The following RBMS3 variants were observed in gnomAD, a reference collection of about 807,000 sequenced individuals.
RBMS3 encodes the protein RNA binding motif single stranded interacting protein 3, also known as RNA-binding motif, single-stranded-interacting protein 3.
RBMS3 carries 27 observed loss-of-function variants against 66.8 expected under a neutral mutation model. The observed-to-expected ratio is 0.40, with a 90% CI of 0.30 to 0.56. The LOEUF is 0.56. RBMS3 is among the 20% of genes least tolerant of loss of function. The pLI is 0.40. For synonymous variants in RBMS3, 188 were observed against 183.0 expected (o/e 1.03, Z -0.22); for missense variants, 513 against 549.5 (o/e 0.93, Z 0.66).
At chr3:29,523,690 T>G (rs2044959154) in intron 3 of RBMS3, among the ~76,000 whole-genome samples, 2 of 152,170 alleles carry the variant, frequency 1.3e-5, no homozygotes, top group Middle Eastern at 3.2e-3. Flanking sequence ...TATTGATGGC[T>G]TACTAGACTT....
chr3:29,507,827 AG>A (rs898208069), intron 3 of RBMS3, among the ~76,000 whole-genome samples: 5 of 152,146 alleles, frequency 3.3e-5, no homozygotes, highest in Admixed American at 6.6e-5. Context: ...ATTGTATAGA[AG>A]TGATTACAAG....
At chr3:29,441,644 T>C (rs2041623886) in intron 2 of RBMS3, among the ~76,000 whole-genome samples, 1 of 152,180 alleles carries the variant, frequency 6.6e-6, no homozygotes, top group Non-Finnish European at 1.5e-5. Flanking sequence ...AGGTTCTCAG[T>C]TCCATGACTA....
chr3:29,426,003 C>T (rs151020200), intron 1 of RBMS3, among the ~76,000 whole-genome samples: 202 of 152,278 alleles, frequency 1.3e-3, no homozygotes, highest in African/African-American at 4.7e-3. Context: ...AATTATTGTT[C>T]ATATTGTAGC....
intron 2 of RBMS3, among the ~76,000 whole-genome samples, chr3:29,456,865 T>TA (rs1200772417): frequency 1.3e-5 from 2 of 152,220 alleles, no homozygotes; most frequent in Non-Finnish European, 2.9e-5. Context: ...ATAGGAATTT[T>TA]AAAAGTATAT....
chr3:29,435,237 C>T (rs2125725911), intron 2 of RBMS3, among the ~76,000 whole-genome samples: 1 of 152,268 alleles, frequency 6.6e-6, no homozygotes, highest in African/African-American at 2.4e-5. Context: ...ATTGATGAGT[C>T]TCATGAAATA....
intron 6 of RBMS3, among the ~76,000 whole-genome samples, chr3:29,866,538 A>C (rs2059367606): frequency 6.6e-6 from 1 of 152,208 alleles, no homozygotes; most frequent in African/African-American, 2.4e-5. Context: ...TCCCATTTTA[A>C]TACCTGTATG....
intron 1 of RBMS3, among the ~76,000 whole-genome samples, chr3:29,314,470 G>A (rs1294978493): frequency 6.6e-6 from 1 of 151,684 alleles, no homozygotes; most frequent in East Asian, 2.0e-4. Context: ...AGTCAGTGTG[G>A]CTCCAGAATT....
intron 6 of RBMS3, among the ~76,000 whole-genome samples, chr3:29,765,344 A>C (rs1268228306): frequency 9.2e-5 from 14 of 151,950 alleles, no homozygotes; most frequent in Non-Finnish European, 1.9e-4. Flanking sequence ...TTCCATATTT[A>C]AGACAGGGAG....
At chr3:29,964,537 C>A (rs1003768567) in intron 12 of RBMS3, among the ~76,000 whole-genome samples, 1 of 152,104 alleles carries the variant, frequency 6.6e-6, no homozygotes, top group Non-Finnish European at 1.5e-5. Context: ...TAAAAACTTT[C>A]TTTTTCTGAA....
At chr3:29,958,799 G>A (rs1577249416) in intron 12 of RBMS3, among the ~76,000 whole-genome samples, 1 of 152,060 alleles carries the variant, frequency 6.6e-6, no homozygotes, top group East Asian at 1.9e-4. Flanking sequence ...GCTGTTAGTG[G>A]GCTAAAGGAA....
At chr3:29,896,371 A>C (rs2060123559) in intron 8 of RBMS3, among the ~76,000 whole-genome samples, 1 of 151,448 alleles carries the variant, frequency 6.6e-6, no homozygotes, top group Non-Finnish European at 1.5e-5. Flanking sequence ...ACTATTAAAA[A>C]AAAAACAAAA....
chr3:29,305,710 A>C (rs1004622120), intron 1 of RBMS3, among the ~76,000 whole-genome samples: 1 of 152,016 alleles, frequency 6.6e-6, no homozygotes, highest in African/African-American at 2.4e-5. Flanking sequence ...TTACCTGAGC[A>C]TGAAATCAAA....
chr3:29,503,821 A>G (rs1386143875), intron 3 of RBMS3, among the ~76,000 whole-genome samples: 1 of 152,164 alleles, frequency 6.6e-6, no homozygotes, highest in Non-Finnish European at 1.5e-5. Context: ...TGGAAAAAAT[A>G]ACATCCTATG....
rs76684152 is a variant in RBMS3, at chr3:29,876,372, C to T, written c.744+7408C>T. ...GCTTTTCCAAAGTAAATTTTACTAACAAAATAGGAAAAAAAAAGCTTCAAA... is the reference window on the plus strand; with the variant it reads ...GCTTTTCCAAAGTAAATTTTACTAATAAAATAGGAAAAAAAAAGCTTCAAA... On this transcript the variant is annotated intron_variant, in intron 7 of 14. Transcript: ENST00000383767. Among the ~76,000 whole-genome samples, 726 of 151,266 alleles carry T rather than the reference C, an allele frequency of 4.8e-3. 20 individuals carry two copies. In the East Asian group the frequency reaches 0.071, roughly 15 times the overall value.
chr3:29,400,371 C>A (rs947655613), intron 1 of RBMS3, among the ~76,000 whole-genome samples: 2 of 151,848 alleles, frequency 1.3e-5, no homozygotes, highest in Admixed American at 6.6e-5. Context: ...CTAGAGTAGT[C>A]AAATTCATAG....
intron 12 of RBMS3, among the ~76,000 whole-genome samples, chr3:29,960,569 C>T (rs1696361936): frequency 6.6e-6 from 1 of 152,214 alleles, no homozygotes; most frequent in East Asian, 1.9e-4. Context: ...CATTTCCCTT[C>T]CACACTGCCC....
At chr3:29,748,324 A>C (rs1020357399) in intron 5 of RBMS3, among the ~76,000 whole-genome samples, 1 of 152,124 alleles carries the variant, frequency 6.6e-6, no homozygotes, top group African/African-American at 2.4e-5. Flanking sequence ...TAATAATGTC[A>C]GCCTTAAATA....
chr3:29,725,876 TG>T (rs1426735446), intron 4 of RBMS3, among the ~76,000 whole-genome samples: 1 of 152,184 alleles, frequency 6.6e-6, no homozygotes, highest in Non-Finnish European at 1.5e-5. Context: ...AGCATCATCC[TG>T]ATAACAAAAC....
intron 4 of RBMS3, among the ~76,000 whole-genome samples, chr3:29,605,766 G>C (rs1036903475): frequency 3.3e-5 from 5 of 151,720 alleles, no homozygotes; most frequent in African/African-American, 1.2e-4. Context: ...ACTTTAGTGG[G>C]TGGATTTAGT....
Sources: allele counts gnomAD v4.1 joint callset (sites outside exome capture counted in the v4.1 genomes callset), GRCh38; gene constraint gnomAD v4.1.1; transcripts MANE v1.5; gene names NCBI Gene and HGNC (gene_info 2026-07-23, HGNC 2026-07-21).